KANSL1: variants seen among roughly 807,000 people sequenced by gnomAD.
KANSL1 encodes the protein KAT8 regulatory NSL complex subunit 1.
KANSL1 carries 22 observed loss-of-function variants against 103.6 expected under a neutral mutation model. The ratio of observed to expected loss-of-function variants is 0.21; its 90% confidence interval spans 0.15 to 0.30. The LOEUF (loss-of-function observed/expected upper bound fraction) is 0.30, where lower values mean the gene tolerates loss of function less well. Among genes scored for constraint, KANSL1 ranks in the 10% least tolerant of loss-of-function variants. The pLI, the probability that KANSL1 is intolerant of heterozygous loss-of-function variation, is 1.00. For missense variants in KANSL1, 1,337 were observed against 1,399.8 expected (o/e 0.96, Z 0.72); for synonymous variants, 600 against 527.6 (o/e 1.14, Z -1.88).
intron 4 of KANSL1, among the ~76,000 whole-genome samples, chr17:46,077,293 C>G (rs2078812975): frequency 6.6e-6 from 1 of 152,144 alleles, no homozygotes; most frequent in African/African-American, 2.4e-5. Flanking sequence ...GCTCAAGCGA[C>G]CCGCCCACCT....
intron 2 of KANSL1, among the ~76,000 whole-genome samples, chr17:46,116,790 T>C (rs111868900): frequency 7.0e-4 from 107 of 152,292 alleles, no homozygotes; most frequent in African/African-American, 2.5e-3. Flanking sequence ...TTTCCATCAG[T>C]GAATAAAAGT....
In KANSL1 at chr17:46,172,033, G is replaced by A. The variant is rs776718937; in HGVS notation, c.111C>T (p.Asn37=). ...STLSPGSAEN[N]GNANILIAAN... ...CAGCAATAAGGATGTTGGCGTTGCC[G>A]TTATTTTCGGCACTGCCAGGGGACA... is the stretch of plus-strand genomic sequence containing the variant. Residue 37 remains asparagine (N), a synonymous_variant, in exon 2 of 15, where the codon AAC becomes AAT. Transcript: ENST00000432791. The A allele has an allele frequency of 4.3e-6, 7 of 1,614,132 alleles. No homozygotes were observed. Among genetic ancestry groups the A allele is most frequent in the African/African-American group, 1.3e-5 (1 of 74,936 alleles).
intron 4 of KANSL1, among the ~76,000 whole-genome samples, chr17:46,074,763 C>CTAAA (rs71138522): frequency 0.072 from 10,200 of 142,502 alleles, 436 homozygotes; most frequent in East Asian, 0.17. Flanking sequence ...GACCCTATCT[C>CTAAA]TAAATAAATA....
upstream of KANSL1, chr17:46,196,557 A>G: frequency 2.5e-6 from 1 of 401,344 alleles, no homozygotes; most frequent in Non-Finnish European, 4.9e-6. Context: ...GGGAATAGAG[A>G]GTTGGTCCTT....
At chr17:46,095,688 C>T (rs1366627770) in intron 2 of KANSL1, among the ~76,000 whole-genome samples, 2 of 152,246 alleles carry the variant, frequency 1.3e-5, no homozygotes, top group Non-Finnish European at 1.5e-5. Flanking sequence ...AGATAATACA[C>T]AAAGATTTCA....
chr17:46,097,032 C>T (rs1456881297), intron 2 of KANSL1, among the ~76,000 whole-genome samples: 1 of 152,190 alleles, frequency 6.6e-6, no homozygotes, highest in Non-Finnish European at 1.5e-5. Flanking sequence ...CTATGCCCAG[C>T]CATGAAATTC....
chr17:46,189,339 G>A (rs1276726621), intron 1 of KANSL1, among the ~76,000 whole-genome samples: 1 of 152,108 alleles, frequency 6.6e-6, no homozygotes, highest in African/African-American at 2.4e-5. Context: ...CTAAACTCAA[G>A]GAATGGAACG....
intron 1 of KANSL1, chr17:46,221,306 T>C (rs2048526810): frequency 6.6e-6 from 1 of 151,840 alleles, no homozygotes; most frequent in Non-Finnish European, 1.5e-5. Context: ...AAAGACCCTG[T>C]ATCTTTTCTC....
intron 3 of KANSL1, among the ~76,000 whole-genome samples, chr17:46,085,591 G>A (rs2079135051): frequency 6.6e-6 from 1 of 152,178 alleles, no homozygotes; most frequent in African/African-American, 2.4e-5. Context: ...CCGGGCTCAA[G>A]TGATCCTCCC....
rs963795454 is a variant in KANSL1, at chr17:46,031,519, T to C, written c.3275A>G (p.His1092Arg). ...CTGAGCTGTGGCTGCTGCCACCAGA[T>C]GCCGACTCTTGAGGGGGACAATGGG... ...SPPIVPLKSR[H>R]LVAAATAQRP... Residue 1092 changes from histidine (H) to arginine (R), a missense_variant, in exon 15 of 15, where the codon CAT becomes CGT. Coordinates refer to ENST00000432791, the MANE Select transcript of KANSL1 (RefSeq NM_015443.4). The C allele has an allele frequency of 5.0e-6, 8 of 1,613,652 alleles. No individual in the cohort carries two copies. Among genetic ancestry groups the C allele is most frequent in the Non-Finnish European group, 5.9e-6 (7 of 1,179,880 alleles).
chr17:46,087,781 T>C (rs182617189), intron 3 of KANSL1, among the ~76,000 whole-genome samples: 126 of 152,352 alleles, frequency 8.3e-4, no homozygotes, highest in African/African-American at 2.9e-3. Flanking sequence ...CTGTATACAA[T>C]GTTTCATATG....
chr17:46,031,731 G>A (rs1312268025), intron 14 of KANSL1, 28 bp from the exon 15 acceptor site: 1 of 1,562,048 alleles, frequency 6.4e-7, no homozygotes, highest in African/African-American at 1.3e-5. Context: ...GCTCTTTGAG[G>A]ACCCAGTCCC....
upstream of KANSL1, chr17:46,223,690 G>A (rs895378081): frequency 6.6e-6 from 1 of 152,416 alleles, no homozygotes; most frequent in African/African-American, 2.4e-5. Flanking sequence ...CATCCAAGTA[G>A]CATTCATAGT....
intron 4 of KANSL1, among the ~76,000 whole-genome samples, chr17:46,078,065 AAG>A (rs918687098): frequency 2.0e-5 from 3 of 152,142 alleles, no homozygotes; most frequent in African/African-American, 7.2e-5. Context: ...GCTTTTCCTA[AAG>A]AGTGTTGATT....
intron 2 of KANSL1, among the ~76,000 whole-genome samples, chr17:46,157,870 G>A (rs568588519): frequency 1.6e-4 from 25 of 152,226 alleles, no homozygotes; most frequent in Admixed American, 4.6e-4. Context: ...AATTCACTAC[G>A]CACAGGGTGT....
intron 4 of KANSL1, among the ~76,000 whole-genome samples, chr17:46,080,310 CT>C (rs551522299): frequency 0.21 from 14,327 of 66,942 alleles, 1,302 homozygotes; most frequent in Middle Eastern, 0.32. Context: ...AAGAGCCTGT[CT>C]TAAAAAAAAA....
intron 1 of KANSL1, among the ~76,000 whole-genome samples, chr17:46,209,035 T>G (rs1208808667): frequency 6.6e-6 from 1 of 151,798 alleles, no homozygotes; most frequent in Non-Finnish European, 1.5e-5. Context: ...CTACAGAAAT[T>G]AGCCAGGCGT....
chr17:46,130,521 C>T (rs10514904), intron 2 of KANSL1, among the ~76,000 whole-genome samples: 21,664 of 151,926 alleles, frequency 0.14, 2,134 homozygotes, highest in Non-Finnish European at 0.22. Flanking sequence ...TTGTAAAAGG[C>T]TGTTTCATAC....
chr17:46,039,726 C>T lies in KANSL1; in HGVS notation c.2179G>A (p.Val727Ile). 1 of 1,613,978 alleles carries T rather than the reference C, an allele frequency of 6.2e-7. No homozygotes were observed. The highest frequency in any genetic ancestry group is 2.2e-5 in the East Asian group (1 of 44,860). Residue 727 changes from valine to isoleucine, a missense_variant, in exon 8 of 15, where the codon GTC becomes ATC. Coordinates refer to ENST00000432791, the MANE Select transcript of KANSL1 (RefSeq NM_015443.4). ...DSARKDRHKL[V>I]SSFLTTAKLS... ...CTGGCTGTTGTTAGGAAGGAGCTGA[C>T]CAATTTGTGCCTGTCCTTACGAGCT...
Sources: gnomAD v4.1 joint callset for allele counts (sites outside exome capture counted in the v4.1 genomes callset) on GRCh38, gnomAD v4.1.1 for gene constraint, MANE v1.5 for transcripts, NCBI Gene and HGNC (gene_info 2026-07-23, HGNC 2026-07-21) for gene names.